The following TRIM71 variants were observed in gnomAD, a reference collection of about 807,000 sequenced individuals.
TRIM71 encodes the protein E3 ubiquitin-protein ligase TRIM71.
A neutral mutation model predicts 61.2 loss-of-function variants in TRIM71; 9 were observed. That is an observed-to-expected ratio of 0.15 (90% CI 0.09 to 0.26). TRIM71 has a LOEUF of 0.26. Among genes scored for constraint, TRIM71 ranks in the 10% least tolerant of loss-of-function variants. The pLI, the probability that TRIM71 is intolerant of heterozygous loss-of-function variation, is 1.00. For synonymous variants in TRIM71, 645 were observed against 553.2 expected (o/e 1.17, Z -2.33); for missense variants, 998 against 1,238.7 (o/e 0.81, Z 2.92).
At chr3:32,851,468 T>G (rs780391520) in intron 1 of TRIM71, among the ~76,000 whole-genome samples, 2 of 152,128 alleles carry the variant, frequency 1.3e-5, no homozygotes, top group African/African-American at 4.8e-5. Flanking sequence ...ACTGGAAACT[T>G]TGTTTTTTGT....
At chr3:32,846,626 C>CA (rs2125680644) in intron 1 of TRIM71, among the ~76,000 whole-genome samples, 1 of 152,242 alleles carries the variant, frequency 6.6e-6, no homozygotes, top group East Asian at 1.9e-4. Flanking sequence ...TTTTAACCGA[C>CA]ATCTCCCCTT....
chr3:32,850,996 AATT>A lies in TRIM71; in HGVS notation c.853-22815_853-22813del, dbSNP rs554428736. Reference sequence around the variant, plus strand: ...ATCAAAATACACAAAATGAAAAACAAATTATTATTTTTCAAAACAAGCCTCTCC... The same window carrying A: ...ATCAAAATACACAAAATGAAAAACAAATTATTTTTCAAAACAAGCCTCTCC... On this transcript the variant is annotated intron_variant, in intron 1 of 3. Coordinates refer to ENST00000383763, the MANE Select transcript of TRIM71 (RefSeq NM_001039111.3). Among the ~76,000 whole-genome samples the A allele has an allele frequency of 9.9e-4, 151 of 152,272 alleles. 1 individual carries two copies. The highest frequency in any genetic ancestry group is 6.8e-3 in the Middle Eastern group (2 of 294).
At chr3:32,822,954 AAAGG>A (rs1284170824) in intron 1 of TRIM71, among the ~76,000 whole-genome samples, 2 of 152,204 alleles carry the variant, frequency 1.3e-5, no homozygotes, top group East Asian at 3.8e-4. Context: ...AAATTTTTTT[AAAGG>A]AAGGACAAGG....
chr3:32,877,663 A>G (rs191737267), intron 2 of TRIM71, among the ~76,000 whole-genome samples: 6 of 152,242 alleles, frequency 3.9e-5, no homozygotes, highest in African/African-American at 7.2e-5. Context: ...CAGCCTGACA[A>G]TTTCTTAAAA....
At chr3:32,843,826 C>A (rs1009746970) in intron 1 of TRIM71, among the ~76,000 whole-genome samples, 2 of 152,112 alleles carry the variant, frequency 1.3e-5, no homozygotes, top group Non-Finnish European at 2.9e-5. Flanking sequence ...GGTGCAGAGC[C>A]GGCCCAGAAA....
chr3:32,882,107 A>G (rs548323320), intron 2 of TRIM71, among the ~76,000 whole-genome samples: 3 of 151,984 alleles, frequency 2.0e-5, no homozygotes, highest in South Asian at 2.1e-4. Flanking sequence ...ACCCATTCCT[A>G]TGCAAAGGGA....
chr3:32,823,077 G>A (rs1170787314), intron 1 of TRIM71, among the ~76,000 whole-genome samples: 1 of 152,166 alleles, frequency 6.6e-6, no homozygotes, highest in African/African-American at 2.4e-5. Flanking sequence ...TCACCTACTG[G>A]CTGGAAAACC....
chr3:32,829,649 T>C lies in TRIM71; in HGVS notation c.852+10717T>C, dbSNP rs546527330. ...TATTGTGTGTGTGTGTGTGTGTGTG[T>C]GTTTGTGTGTGCGTGTGTGTGCATT... On this transcript the variant is annotated intron_variant, in intron 1 of 3. Transcript: ENST00000383763. Among the ~76,000 whole-genome samples the C allele has an allele frequency of 5.9e-5, 9 of 151,688 alleles. No individual in the cohort carries two copies. The East Asian group carries it at 1.7e-3, about 29-fold the overall frequency.
chr3:32,824,052 G>A (rs991036595), intron 1 of TRIM71, among the ~76,000 whole-genome samples: 2 of 9,334 alleles, frequency 2.1e-4, no homozygotes, highest in African/African-American at 2.3e-4. Flanking sequence ...TCCAACCTGG[G>A]CAACAGTGAG....
chr3:32,833,670 ATTTATTTTATTTTTG>A (rs1696301128), intron 1 of TRIM71, among the ~76,000 whole-genome samples: 1 of 149,518 alleles, frequency 6.7e-6, no homozygotes, highest in South Asian at 2.1e-4. Context: ...TTATTTATTT[ATTTATTTTATTTTTG>A]GCTCAGGCTA....
chr3:32,849,524 A>T (rs1203976031), intron 1 of TRIM71, among the ~76,000 whole-genome samples: 4 of 151,932 alleles, frequency 2.6e-5, no homozygotes, highest in Admixed American at 2.6e-4. Context: ...ACGTCCAGCT[A>T]ATTTTTGTAT....
At chr3:32,855,628 C>T (rs561024193) in intron 1 of TRIM71, among the ~76,000 whole-genome samples, 25 of 152,248 alleles carry the variant, frequency 1.6e-4, no homozygotes, top group African/African-American at 5.5e-4. Flanking sequence ...AAGCAGTGTT[C>T]CCTAGAGGGA....
At position 32,890,431 on chromosome 3, in the gene TRIM71, C is replaced by T. The variant is rs1559552074; in HGVS notation, c.1227C>T (p.Asn409=). ...LQVEKLRQNL[N]KLESTISAVQ... ...TGGAGAAGCTGCGGCAAAACCTCAA[C>T]AAGCTTGAGAGCACCATCAGTGCCG... Residue 409 remains asparagine (N), a synonymous_variant, in exon 4 of 4, where the codon AAC becomes AAT. Coordinates refer to ENST00000383763, the MANE Select transcript of TRIM71 (RefSeq NM_001039111.3). The surrounding 1 kb of genome is among the most constrained non-coding windows in gnomAD (Gnocchi z 6.2). 4 of 1,614,126 alleles carry T rather than the reference C, an allele frequency of 2.5e-6. No individual in the cohort carries two copies. Among genetic ancestry groups the T allele is most frequent in the Non-Finnish European group, 3.4e-6 (4 of 1,179,974 alleles).
chr3:32,863,897 G>A (rs896597247), intron 1 of TRIM71, among the ~76,000 whole-genome samples: 2 of 152,080 alleles, frequency 1.3e-5, no homozygotes, highest in Non-Finnish European at 2.9e-5. Context: ...GGCCAGGCTG[G>A]TCTCAAACTC....
intron 1 of TRIM71, among the ~76,000 whole-genome samples, chr3:32,873,279 T>C (rs1446993617): frequency 6.6e-6 from 1 of 152,202 alleles, no homozygotes; most frequent in Admixed American, 6.5e-5. Context: ...CTTGCTTGAG[T>C]GCCTGGGAGA....
At chr3:32,848,539 T>G (rs1373312916) in intron 1 of TRIM71, among the ~76,000 whole-genome samples, 2 of 152,232 alleles carry the variant, frequency 1.3e-5, no homozygotes, top group Non-Finnish European at 2.9e-5. Context: ...AATTCTCTGC[T>G]ATCTCTTTAT....
At chr3:32,821,288 A>G (rs761280076) in intron 1 of TRIM71, among the ~76,000 whole-genome samples, 11 of 152,094 alleles carry the variant, frequency 7.2e-5, no homozygotes, top group Non-Finnish European at 1.3e-4. Flanking sequence ...GTCTACCTCA[A>G]TTTTTAAGAT....
In TRIM71 at chr3:32,891,478, G is replaced by A; in HGVS notation, c.2274G>A (p.Glu758=). ...CACGGGGTGTGGCCTTCAACCATGA[G>A]GGCCACTTGGTGGTCACTGACTTCA... ...DSPRGVAFNH[E]GHLVVTDFNN... Residue 758 remains glutamate, a synonymous_variant, in exon 4 of 4, where the codon GAG becomes GAA. Coordinates refer to ENST00000383763, the MANE Select transcript of TRIM71 (RefSeq NM_001039111.3). The surrounding 1 kb of genome is among the most constrained non-coding windows in gnomAD (Gnocchi z 8.2). The A allele has an allele frequency of 1.2e-6, 2 of 1,613,778 alleles. No individual in the cohort carries two copies. The highest frequency in any genetic ancestry group is 1.7e-6 in the Non-Finnish European group (2 of 1,179,928).
In TRIM71 at chr3:32,890,450, A is replaced by G; in HGVS notation, c.1246A>G (p.Ser416Gly). ...QNLNKLESTI[S>G]AVQQVLEEGR... ...CCTCAACAAGCTTGAGAGCACCATC[A>G]GTGCCGTGCAGCAGGTCCTGGAGGA... Residue 416 changes from serine to glycine, a missense_variant, in exon 4 of 4, where the codon AGT becomes GGT. Physicochemically the swap from Ser to Gly is moderately conservative, Grantham distance 56. Transcript: ENST00000383763. This position sits in a 1 kb window ranked among gnomAD's most constrained non-coding sequence, Gnocchi z 6.2. The G allele has an allele frequency of 6.2e-7, 1 of 1,614,208 alleles. No individual in the cohort carries two copies. Among genetic ancestry groups the G allele is most frequent in the Non-Finnish European group, 8.5e-7 (1 of 1,180,038 alleles).
Sources: allele counts gnomAD v4.1 joint callset (sites outside exome capture counted in the v4.1 genomes callset), GRCh38; gene constraint gnomAD v4.1.1; non-coding constraint Gnocchi (gnomAD v3.1); transcripts MANE v1.5; gene names NCBI Gene and HGNC (gene_info 2026-07-23, HGNC 2026-07-21).